ZNF341: variants seen among roughly 807,000 people sequenced by gnomAD.
ZNF341 encodes the protein zinc finger protein 341.
ZNF341 carries 52 observed loss-of-function variants against 87.7 expected under a neutral mutation model. The observed-to-expected ratio is 0.59, with a 90% confidence interval of 0.47 to 0.75. The LOEUF (loss-of-function observed/expected upper bound fraction) is 0.75, where lower values mean the gene tolerates loss of function less well. Among genes scored for constraint, ZNF341 ranks in the 30% least tolerant of loss-of-function variants. The pLI is 0.00. For synonymous variants in ZNF341, 459 were observed against 472.7 expected (o/e 0.97, Z 0.38); for missense variants, 977 against 1,145.9 (o/e 0.85, Z 2.13).
At chr20:33,744,793 T>A (rs2018880808) in intron 2 of ZNF341, among the ~76,000 whole-genome samples, 1 of 152,112 alleles carries the variant, frequency 6.6e-6, no homozygotes, top group African/African-American at 2.4e-5. Flanking sequence ...GGTTTCGCCA[T>A]GTTGTCCAGG....
chr20:33,735,925 A>G (rs149332618), intron 1 of ZNF341, among the ~76,000 whole-genome samples: 1 of 152,108 alleles, frequency 6.6e-6, no homozygotes, highest in Non-Finnish European at 1.5e-5. Context: ...ATGAAATCAT[A>G]AAGTGTATAC....
intron 4 of ZNF341, among the ~76,000 whole-genome samples, chr20:33,750,143 A>T (rs2019022882): frequency 6.6e-6 from 1 of 152,118 alleles, no homozygotes; most frequent in African/African-American, 2.4e-5. Flanking sequence ...TTTTGTAGAG[A>T]TGACCATCTC....
chr20:33,779,674 C>T (rs997535747), intron 10 of ZNF341, among the ~76,000 whole-genome samples: 1 of 152,136 alleles, frequency 6.6e-6, no homozygotes, highest in Admixed American at 6.5e-5. Flanking sequence ...TGGTCTTGAA[C>T]TCCTGACCTC....
chr20:33,770,926 C>T (rs1244199701), intron 10 of ZNF341, among the ~76,000 whole-genome samples: 1 of 152,112 alleles, frequency 6.6e-6, no homozygotes, highest in Non-Finnish European at 1.5e-5. Context: ...GGAGACCATC[C>T]TGGCTAACAC....
chr20:33,746,378 C>T (rs940391177), intron 3 of ZNF341, among the ~76,000 whole-genome samples: 41 of 150,650 alleles, frequency 2.7e-4, no homozygotes, highest in African/African-American at 9.8e-4. Context: ...GGACTACAGG[C>T]GCGCACCACC....
chr20:33,744,989 A>C (rs2018885454), intron 2 of ZNF341, 114 bp from the exon 3 acceptor site: 2 of 897,192 alleles, frequency 2.2e-6, no homozygotes, highest in African/African-American at 3.3e-5. Context: ...GCTTGTGGTC[A>C]GCTGCAGTTC....
chr20:33,781,013 G>GT lies in ZNF341; in HGVS notation c.1623-275dup, dbSNP rs1196389495. Among the ~76,000 whole-genome samples the GT allele has an allele frequency of 3.3e-5, 5 of 152,228 alleles. No homozygotes were observed. In the East Asian group the frequency reaches 9.7e-4, roughly 29 times the overall value. ...GTGAGCCAGCCACTGTGCTCAGCCTGTTTCATTTTTAAAGGTGCCCCTGGC... is the reference window on the plus strand; with the variant it reads ...GTGAGCCAGCCACTGTGCTCAGCCTGTTTTCATTTTTAAAGGTGCCCCTGGC... On this transcript the variant is annotated intron_variant, in intron 10 of 14. Coordinates refer to ENST00000375200, the MANE Select transcript of ZNF341 (RefSeq NM_001282933.2).
At chr20:33,759,576 G>C (rs2019251639) in intron 7 of ZNF341, among the ~76,000 whole-genome samples, 2 of 152,186 alleles carry the variant, frequency 1.3e-5, no homozygotes, top group Admixed American at 1.3e-4. Flanking sequence ...GAGCCACCGT[G>C]CCTGGCCGAT....
At position 33,753,365 on chromosome 20, in the gene ZNF341, C is replaced by G. The variant is rs1343002083; in HGVS notation, c.683C>G (p.Ala228Gly). 1 of 1,608,576 alleles carries G rather than the reference C, an allele frequency of 6.2e-7. No homozygotes were observed. Among genetic ancestry groups the G allele is most frequent in the East Asian group, 2.2e-5 (1 of 44,668 alleles). The change falls in exon 5 of 15, where the codon GCT becomes GGT. Residue 228 changes from alanine (A) to glycine (G), a missense_variant. Ala to Gly is a moderately conservative substitution (Grantham distance 60). Around this residue, in one of 3 missense-constraint regions of ZNF341, gnomAD observed 515 missense variants for 598.2 expected, o/e 0.86. Coordinates refer to ENST00000375200, the MANE Select transcript of ZNF341 (RefSeq NM_001282933.2). Reference protein sequence around the residue: ...VEVYSAAAPLAGSGTVEIQAL... With the variant: ...VEVYSAAAPLGGSGTVEIQAL... ...GTGTACAGTGCTGCTGCGCCCCTGG[C>G]TGGGAGTGGAACGGTGGAGATCCAG...
chr20:33,783,902 T>TCCCCTC (rs1160036215), intron 12 of ZNF341, 38 bp downstream of exon 12: 44 of 1,327,140 alleles, frequency 3.3e-5, no homozygotes, highest in South Asian at 1.2e-4. Context: ...GCCCAGCCCC[T>TCCCCTC]CCCCTCCCCC....
intron 10 of ZNF341, among the ~76,000 whole-genome samples, chr20:33,778,005 C>G (rs1245266689): frequency 4.6e-5 from 7 of 152,204 alleles, no homozygotes; most frequent in Admixed American, 4.6e-4. Context: ...ACTGTGTCCT[C>G]CTCCGTGTGT....
rs2018580486 is a variant in ZNF341, at chr20:33,732,186, G to A, written c.31+134G>A. ...GCCGGGGCTGGAACAGCCGCGGGGC[G>A]GGAGGGGCGCGGGCGGGAACAGCGC... On this transcript the variant is annotated intron_variant, in intron 1 of 14. Coordinates refer to ENST00000375200, the MANE Select transcript of ZNF341 (RefSeq NM_001282933.2). This position sits in a 1 kb window ranked among gnomAD's most constrained non-coding sequence, Gnocchi z 4.5. The A allele has an allele frequency of 2.9e-6, 2 of 686,978 alleles. No individual in the cohort carries two copies. The highest frequency in any genetic ancestry group is 2.0e-5 in the African/African-American group (1 of 51,106). 42.6% of individuals were successfully genotyped at this position (686,978 alleles called of 1,614,324 possible).
intron 10 of ZNF341, among the ~76,000 whole-genome samples, chr20:33,775,451 T>C (rs2019609276): frequency 6.6e-6 from 1 of 151,634 alleles, no homozygotes; most frequent in Non-Finnish European, 1.5e-5. Context: ...CCTCGTGATC[T>C]ACCCACCTCG....
At chr20:33,773,398 A>G (rs902852388) in intron 10 of ZNF341, among the ~76,000 whole-genome samples, 13 of 152,272 alleles carry the variant, frequency 8.5e-5, no homozygotes, top group African/African-American at 3.1e-4. Context: ...TCCTGTCCCA[A>G]AAGTAAGGCC....
intron 1 of ZNF341, among the ~76,000 whole-genome samples, chr20:33,733,934 A>C (rs1397368128): frequency 4.6e-5 from 7 of 152,266 alleles, no homozygotes; most frequent in African/African-American, 1.7e-4. Flanking sequence ...GTGGTGGATC[A>C]GGAAGGCCGA....
chr20:33,740,883 G>C lies in ZNF341; in HGVS notation c.32-19G>C. 1 of 1,610,394 alleles carries C rather than the reference G, an allele frequency of 6.2e-7. No homozygotes were observed. Among genetic ancestry groups the C allele is most frequent in the Non-Finnish European group, 8.5e-7 (1 of 1,176,674 alleles). The stretch of plus-strand genomic sequence containing the variant: ...GATGCTGGGCCTACCTTCCAAAGAG[G>C]CTGCACTTCTTTTTTCAGGAATGGA... On this transcript the variant is annotated intron_variant, in intron 1 of 14. Transcript: ENST00000375200.
At chr20:33,769,541 C>T (rs2019481036) in intron 9 of ZNF341, among the ~76,000 whole-genome samples, 1 of 152,134 alleles carries the variant, frequency 6.6e-6, no homozygotes. Context: ...TCTAAATATA[C>T]CTATGCCACA....
At chr20:33,783,672 A>T (rs1601288809) in intron 11 of ZNF341, 60 bp from the exon 12 acceptor site, 3 of 1,611,386 alleles carry the variant, frequency 1.9e-6, no homozygotes, top group East Asian at 4.5e-5. Context: ...TTGAGTTCAG[A>T]AGATGGCCAG....
At chr20:33,775,301 C>T (rs2019606379) in intron 10 of ZNF341, among the ~76,000 whole-genome samples, 1 of 151,458 alleles carries the variant, frequency 6.6e-6, no homozygotes, top group Non-Finnish European at 1.5e-5. Context: ...CCTTCGCCTC[C>T]CAGGTTCAAG....
Sources: gnomAD v4.1 joint callset for allele counts (sites outside exome capture counted in the v4.1 genomes callset) on GRCh38, gnomAD v4.1.1 for gene constraint, gnomAD v4.1.1 regional missense constraint, Gnocchi (gnomAD v3.1) non-coding constraint, MANE v1.5 for transcripts, NCBI Gene and HGNC (gene_info 2026-07-23, HGNC 2026-07-21) for gene names.